The following RAB5IF variants were observed in gnomAD, a reference collection of about 807,000 sequenced individuals.
The protein encoded by RAB5IF is RAB5 interacting factor.
In RAB5IF, 15 loss-of-function variants were observed where a neutral mutation model predicts 20.3. The ratio of observed to expected loss-of-function variants is 0.74; its 90% CI spans 0.50 to 1.14. The LOEUF (loss-of-function observed/expected upper bound fraction) is 1.14, where lower values mean the gene tolerates loss of function less well. Ranked by LOEUF, RAB5IF falls within the 50% of genes most tolerant of loss-of-function variation. RAB5IF has a pLI of 0.00. For missense variants in RAB5IF, 148 were observed against 159.5 expected (o/e 0.93, Z 0.39); for synonymous variants, 67 against 63.7 (o/e 1.05, Z -0.25).
At chr20:36,609,155 T>TTACATACATACAGA (rs1391305214) in intron 2 of RAB5IF, among the ~76,000 whole-genome samples, 1 of 25,216 alleles carries the variant, frequency 4.0e-5, no homozygotes, top group South Asian at 1.3e-3. Flanking sequence ...GAGAACTATA[T>TTACATACATACAGA]TACACACACA....
chr20:36,605,802 C>G lies in RAB5IF; in HGVS notation c.-150C>G, dbSNP rs1282863667. 9.6e-6 allele frequency: 4 copies of G among 414,756 alleles called. No homozygotes were observed. Among genetic ancestry groups the G allele is most frequent in the Non-Finnish European group, 1.7e-5 (4 of 237,836 alleles). The allele number at this position is 414,756 out of a possible 1,614,324, so 25.7% of individuals were successfully genotyped here. A position where few individuals can be genotyped will look rare whatever the true frequency, so the allele number is the denominator to read the frequency against. On this transcript the variant is annotated 5_prime_UTR_variant, in exon 1 of 4. Transcript: ENST00000344795. Reference sequence around the variant, plus strand: ...CTGTAGAGCCGGCGGAACCGGGTAGCTTGGCCAGGTTGTGAGGAACCGCAG... The same window carrying G: ...CTGTAGAGCCGGCGGAACCGGGTAGGTTGGCCAGGTTGTGAGGAACCGCAG...
intron 2 of RAB5IF, among the ~76,000 whole-genome samples, chr20:36,609,156 T>TACATACATACACACACACACACACACAC: frequency 1.8e-4 from 3 of 17,052 alleles, no homozygotes; most frequent in Admixed American, 6.2e-4. Context: ...AGAACTATAT[T>TACATACATACACACACACACACACACAC]ACACACACAC....
Position 36,606,033 on chromosome 20 carries a change from G to A in RAB5IF, c.82G>A (p.Val28Met), listed in dbSNP as rs1215314814. The change falls in exon 1 of 4, where the codon GTG (valine) becomes ATG (methionine). Residue 28 changes from valine (V) to methionine (M), a missense_variant. Physicochemically the swap from Val to Met is conservative, Grantham distance 21. Coordinates refer to ENST00000344795, the MANE Select transcript of RAB5IF (RefSeq NM_018840.5). ...CCTCAAAGTCTCCGTCTGGAGTAAG[G>A]TGCTGCGGAGCGACGCGGCCTGGGA... ...GALKVSVWSK[V>M]LRSDAAWEDK... 6.6e-7 allele frequency: 1 copy of A among 1,524,290 alleles called. No homozygotes were observed. The highest frequency in any genetic ancestry group is 2.6e-5 in the East Asian group (1 of 38,626). 94.4% of individuals were successfully genotyped at this position (1,524,290 alleles called of 1,614,324 possible). A position where few individuals can be genotyped will look rare whatever the true frequency, so the allele number is the denominator to read the frequency against.
At chr20:36,608,376 C>CT (rs2038983798) in intron 2 of RAB5IF, among the ~76,000 whole-genome samples, 1 of 152,110 alleles carries the variant, frequency 6.6e-6, no homozygotes, top group South Asian at 2.1e-4. Flanking sequence ...TCCTAAGTAG[C>CT]TGGAACTACA....
chr20:36,609,250 CACACACTA>C (rs1568595772), intron 2 of RAB5IF, among the ~76,000 whole-genome samples: 42 of 135,730 alleles, frequency 3.1e-4, no homozygotes, highest in African/African-American at 1.2e-3. Flanking sequence ...CACACACACA[CACACACTA>C]TATATAGAGT....
chr20:36,609,598 C>T lies in RAB5IF; in HGVS notation c.219-3C>T, dbSNP rs769201901. The stretch of plus-strand genomic sequence containing the variant: ...GTTTGGTACTTGTTCTCTGTTGCTC[C>T]AGATTCTGCCTGATCAATGCAGGAG... On this transcript the variant is annotated splice_polypyrimidine_tract_variant and splice_region_variant and intron_variant, in intron 2 of 3. Coordinates refer to ENST00000344795, the MANE Select transcript of RAB5IF (RefSeq NM_018840.5). 3.6e-5 allele frequency: 57 copies of T among 1,579,610 alleles called. No individual in the cohort carries two copies. Among genetic ancestry groups the T allele is most frequent in the Non-Finnish European group, 2.6e-6 (3 of 1,164,010 alleles).
At chr20:36,608,285 C>T (rs1254650357) in intron 2 of RAB5IF, 2 of 238,774 alleles carry the variant, frequency 8.4e-6, no homozygotes, top group African/African-American at 4.5e-5. Context: ...CACTTTGTTG[C>T]CCAGGTGGGA....
chr20:36,606,543 TG>T (rs2038938471), intron 1 of RAB5IF, among the ~76,000 whole-genome samples: 1 of 152,170 alleles, frequency 6.6e-6, no homozygotes, highest in Non-Finnish European at 1.5e-5. Context: ...TGGGGTACTG[TG>T]GTACATTAAA....
chr20:36,610,512 T>C (rs1267913596), intron 3 of RAB5IF, among the ~76,000 whole-genome samples: 1 of 151,574 alleles, frequency 6.6e-6, no homozygotes, highest in Non-Finnish European at 1.5e-5. Context: ...CCATCTTGGC[T>C]AACATGGTAA....
At chr20:36,609,194 C>CACACACACACACACACAA (rs1568595462) in intron 2 of RAB5IF, among the ~76,000 whole-genome samples, 1 of 43,316 alleles carries the variant, frequency 2.3e-5, no homozygotes, top group Admixed American at 2.2e-4. Context: ...CACACACACA[C>CACACACACACACACACAA]GCACACACGC....
chr20:36,611,399 C>T (rs2147968372), intron 3 of RAB5IF, among the ~76,000 whole-genome samples: 1 of 149,276 alleles, frequency 6.7e-6, no homozygotes, highest in South Asian at 2.1e-4. Context: ...GAGTTCGAGA[C>T]CAGCTTGGGC....
intron 1 of RAB5IF, 50 bp from the exon 2 acceptor site, chr20:36,607,665 C>G (rs776439013): frequency 6.2e-7 from 1 of 1,607,878 alleles, no homozygotes; most frequent in South Asian, 1.1e-5. Flanking sequence ...CTTTTGCTGT[C>G]TTGTGGCACC....
chr20:36,606,366 C>G (rs57457436), intron 1 of RAB5IF, among the ~76,000 whole-genome samples: 4 of 152,208 alleles, frequency 2.6e-5, no homozygotes, highest in Non-Finnish European at 5.9e-5. Context: ...GAGCTGAATT[C>G]GATTCGGCCT....
At chr20:36,609,256 C>CTATATATATATATATATATATATA (rs60707085) in intron 2 of RAB5IF, among the ~76,000 whole-genome samples, 6 of 121,574 alleles carry the variant, frequency 4.9e-5, no homozygotes, top group African/African-American at 1.9e-4. Flanking sequence ...CACACACACA[C>CTATATATATATATATATATATATA]TATATATAGA....
At chr20:36,607,513 A>G (rs1256362079) in intron 1 of RAB5IF, among the ~76,000 whole-genome samples, 1 of 152,238 alleles carries the variant, frequency 6.6e-6, no homozygotes, top group Non-Finnish European at 1.5e-5. Context: ...TACAGGCTTC[A>G]GCCACCACGC....
Position 36,612,155 on chromosome 20 carries a change from G to C in RAB5IF, c.*104G>C. Reference sequence around the variant, plus strand: ...AACCCCAGCCCCTTGGAACTTGGAAGACCCGTGTTTCCTGGACCGCGAATC... The same window carrying C: ...AACCCCAGCCCCTTGGAACTTGGAACACCCGTGTTTCCTGGACCGCGAATC... On this transcript the variant is annotated 3_prime_UTR_variant, in exon 4 of 4. Coordinates refer to ENST00000344795, the MANE Select transcript of RAB5IF (RefSeq NM_018840.5). 1 of 1,614,204 alleles carries C rather than the reference G, an allele frequency of 6.2e-7. No homozygotes were observed. Among genetic ancestry groups the C allele is most frequent in the Non-Finnish European group, 8.5e-7 (1 of 1,180,014 alleles).
intron 1 of RAB5IF, among the ~76,000 whole-genome samples, chr20:36,606,742 C>T (rs941612657): frequency 2.6e-5 from 4 of 152,194 alleles, no homozygotes; most frequent in Non-Finnish European, 5.9e-5. Flanking sequence ...TCAGAACGTT[C>T]TTACTCGTCC....
intron 2 of RAB5IF, among the ~76,000 whole-genome samples, chr20:36,609,258 A>ACACACACAC (rs1555790847): frequency 2.0e-5 from 2 of 99,150 alleles, no homozygotes; most frequent in African/African-American, 4.1e-5. Context: ...CACACACACT[A>ACACACACAC]TATATAGAGT....
chr20:36,610,434 G>A (rs780989596), intron 3 of RAB5IF, among the ~76,000 whole-genome samples: 4 of 152,110 alleles, frequency 2.6e-5, no homozygotes, highest in Admixed American at 6.6e-5. Flanking sequence ...GGGCGCGGTC[G>A]CTCACACCTG....
Sources: allele counts gnomAD v4.1 joint callset (sites outside exome capture counted in the v4.1 genomes callset), GRCh38; gene constraint gnomAD v4.1.1; transcripts MANE v1.5; gene names NCBI Gene and HGNC (gene_info 2026-07-23, HGNC 2026-07-21).